Variants in COL4A4 observed in about 807,000 individuals in gnomAD.
The protein encoded by COL4A4 is collagen type IV alpha 4 chain.
In COL4A4, 105 loss-of-function variants were observed where a neutral mutation model predicts 192.9. That is an observed-to-expected ratio of 0.54 (90% confidence interval 0.46 to 0.64). COL4A4 has a LOEUF of 0.64. Ranked by LOEUF, COL4A4 falls within the 30% of genes least tolerant of loss-of-function variation. The probability of loss-of-function intolerance (pLI) is 0.00; values close to 1 mark genes in which losing one functional copy is unlikely to be tolerated. For synonymous variants in COL4A4, 762 were observed against 769.9 expected (o/e 0.99, Z 0.17); for missense variants, 1,967 against 2,169.3 (o/e 0.91, Z 1.85).
chr2:227,107,984 TTGACCTCA>T (rs2060959313), intron 12 of COL4A4, among the ~76,000 whole-genome samples: 1 of 151,964 alleles, frequency 6.6e-6, no homozygotes, highest in Admixed American at 6.6e-5. Context: ...TCTCAGTCTC[TTGACCTCA>T]TGATCCACCC....
chr2:227,158,537 A>G (rs918875620), intron 1 of COL4A4, among the ~76,000 whole-genome samples: 7 of 152,124 alleles, frequency 4.6e-5, no homozygotes, highest in African/African-American at 1.7e-4. Context: ...TGAAAAGACA[A>G]TTCTCAGAAT....
chr2:227,041,684 AAGACAG>A lies in COL4A4; in HGVS notation c.3505+458_3505+463del, dbSNP rs1325949591. Among the ~76,000 whole-genome samples the A allele has an allele frequency of 3.0e-3, 420 of 141,884 alleles. 11 individuals carry two copies. The highest frequency in any genetic ancestry group is 0.011 in the African/African-American group (394 of 35,910). The allele number at this position is 141,884 out of a possible 152,430, so 93.1% of individuals were successfully genotyped here. On this transcript the variant is annotated intron_variant, in intron 37 of 47. Transcript: ENST00000396625. ...AGGAAAGAAAAGGAAAAAAGAAAGA[AAGACAG>A]AGAGAGAGAGAGAGAAGGAAGGAAG...
At chr2:227,132,109 C>T (rs1386341069) in intron 4 of COL4A4, among the ~76,000 whole-genome samples, 1 of 152,206 alleles carries the variant, frequency 6.6e-6, no homozygotes. Flanking sequence ...TAATTCCACC[C>T]GGTTCAAGCT....
the COL4A4 span, among the ~76,000 whole-genome samples, chr2:226,980,119 T>G: frequency 6.6e-6 from 1 of 152,146 alleles, no homozygotes; most frequent in Non-Finnish European, 1.5e-5. Context: ...CCACTTACCT[T>G]TCATTGCTTT....
rs774471372 is a variant in COL4A4 at position 227,003,321 on chromosome 2, TA to T, written c.*4003del. The T allele has an allele frequency of 7.9e-5, 12 of 151,742 alleles. No homozygotes were observed. The highest frequency in any genetic ancestry group is 2.7e-4 in the African/African-American group (11 of 41,442). 9.4% of individuals were successfully genotyped at this position (151,742 alleles called of 1,614,324 possible). On this transcript the variant is annotated 3_prime_UTR_variant, in exon 48 of 48. Coordinates refer to ENST00000396625, the MANE Select transcript of COL4A4 (RefSeq NM_000092.5). ...GGTATGCTAGACAGGTAATCTAACT[TA>T]ATTTTCAATGCAAGAGTAGCTGTTA...
In COL4A4 at chr2:227,008,008, C is replaced by A. The variant is rs761121901; in HGVS notation, c.4809+10G>T. The A allele has an allele frequency of 6.2e-7, 1 of 1,607,722 alleles. No individual in the cohort carries two copies. Among genetic ancestry groups the A allele is most frequent in the East Asian group, 2.2e-5 (1 of 44,870 alleles). Reference sequence around the variant, plus strand: ...GAATGAGCCAGGGTTTTCAAGGGCACGGGACTCACCATCAGGAATGAATAC... The same window carrying A: ...GAATGAGCCAGGGTTTTCAAGGGCAAGGGACTCACCATCAGGAATGAATAC... On this transcript the variant is annotated intron_variant, in intron 47 of 47. Coordinates refer to ENST00000396625, the MANE Select transcript of COL4A4 (RefSeq NM_000092.5).
At chr2:227,021,865 G>A (rs938561973) in intron 44 of COL4A4, among the ~76,000 whole-genome samples, 183 bp downstream of exon 44, 8 of 152,104 alleles carry the variant, frequency 5.3e-5, no homozygotes, top group African/African-American at 1.7e-4. Flanking sequence ...GAAGGGATGT[G>A]TGGATCCAGT....
chr2:227,148,265 T>C (rs749929177), intron 1 of COL4A4, among the ~76,000 whole-genome samples: 3 of 152,188 alleles, frequency 2.0e-5, no homozygotes, highest in Non-Finnish European at 4.4e-5. Flanking sequence ...TGTCCATCAG[T>C]GGGTGAATGA....
At chr2:227,034,552 TTAA>T (rs1018076095) in intron 37 of COL4A4, among the ~76,000 whole-genome samples, 2 of 148,190 alleles carry the variant, frequency 1.3e-5, no homozygotes, top group African/African-American at 5.1e-5. Context: ...TTTTTTTTTT[TTAA>T]TTAATTAATT....
Position 227,047,456 on chromosome 2 carries a change from GA to G in COL4A4, c.3289+18del. 1 of 1,600,408 alleles carries G rather than the reference GA, an allele frequency of 6.2e-7. No individual in the cohort carries two copies. The highest frequency in any genetic ancestry group is 8.6e-7 in the Non-Finnish European group (1 of 1,167,888). ...TAAACTACTTTTTTTGTTTTAGTAAGAAAAATATGCAGCTATACCTGGACAT... is the reference window on the plus strand; with the variant it reads ...TAAACTACTTTTTTTGTTTTAGTAAGAAAATATGCAGCTATACCTGGACAT... On this transcript the variant is annotated intron_variant, in intron 35 of 47. Coordinates refer to ENST00000396625, the MANE Select transcript of COL4A4 (RefSeq NM_000092.5).
chr2:227,016,245 G>A (rs1002477583), intron 44 of COL4A4, among the ~76,000 whole-genome samples: 3 of 152,128 alleles, frequency 2.0e-5, no homozygotes, highest in African/African-American at 7.2e-5. Flanking sequence ...CCAAATGTCA[G>A]CAGCACTGAG....
chr2:227,141,486 A>T (rs1464709711), intron 3 of COL4A4, among the ~76,000 whole-genome samples: 2 of 152,220 alleles, frequency 1.3e-5, no homozygotes, highest in Admixed American at 1.3e-4. Flanking sequence ...GTATATGTGT[A>T]TGGGAGGGAA....
chr2:227,081,215 A>G (rs2059306882), intron 23 of COL4A4, among the ~76,000 whole-genome samples: 1 of 152,310 alleles, frequency 6.6e-6, no homozygotes, highest in Non-Finnish European at 1.5e-5. Context: ...GGAGATTAAC[A>G]TTTGAGTCAG....
rs184761652 is a variant in COL4A4, at chr2:227,073,233, G to A, written c.1987+4661C>T. On this transcript the variant is annotated intron_variant, in intron 25 of 47. Transcript: ENST00000396625. ...CAAAATCATTGTACATAAATCAGTA[G>A]CATTGCTATACACCAACAACAATCA... Among the ~76,000 whole-genome samples, 654 of 152,086 alleles carry A rather than the reference G, an allele frequency of 4.3e-3. 6 individuals carry two copies. Among genetic ancestry groups the A allele is most frequent in the Non-Finnish European group, 4.1e-3 (280 of 67,952 alleles).
rs760182467 is a variant in COL4A4 at position 227,030,577 on chromosome 2, A to T, written c.3839T>A (p.Leu1280His). The change falls in exon 41 of 48, where the codon CTC (leucine) becomes CAC (histidine). Residue 1280 changes from leucine (L) to histidine (H), a missense_variant. Coordinates refer to ENST00000396625, the MANE Select transcript of COL4A4 (RefSeq NM_000092.5). ...GPRGAPGPPG[L>H]PGSVDLLRGE... ...TCTCAGAAGGTCAACACTCCCAGGG[A>T]GGCCTGGAGGCCCAGGTGCTCCTGA... 2 of 1,608,236 alleles carry T rather than the reference A, an allele frequency of 1.2e-6. No individual in the cohort carries two copies. The highest frequency in any genetic ancestry group is 3.4e-5 in the Admixed American group (2 of 58,500).
At chr2:226,998,750 G>GCATCT (rs1960162412), downstream of COL4A4, 1 of 152,114 alleles carries the variant, frequency 6.6e-6, no homozygotes, top group South Asian at 2.1e-4. Flanking sequence ...ATGCCACTCA[G>GCATCT]CATCTCAAAT....
chr2:227,095,444 T>G (rs1559609691), intron 19 of COL4A4, among the ~76,000 whole-genome samples: 2 of 152,188 alleles, frequency 1.3e-5, no homozygotes, highest in Admixed American at 6.5e-5. Flanking sequence ...TTAAATAAAA[T>G]AATCCATGTA....
At position 227,088,770 on chromosome 2, in the gene COL4A4, A is replaced by AG; in HGVS notation, c.1505dup (p.Gly503TrpfsTer12). 1 of 1,614,092 alleles carries AG rather than the reference A, an allele frequency of 6.2e-7. No individual in the cohort carries two copies. The highest frequency in any genetic ancestry group is 8.5e-7 in the Non-Finnish European group (1 of 1,179,990). On this transcript the variant is annotated frameshift_variant, in exon 22 of 48. Coordinates refer to ENST00000396625, the MANE Select transcript of COL4A4 (RefSeq NM_000092.5). LOFTEE classifies it high-confidence loss of function. ...GCCTCCCAGGAAGTCCTGGAGGGCC[A>AG]GGGGGGCCCATGGGTCCAGGCTCAC... is the stretch of plus-strand genomic sequence containing the variant.
intron 7 of COL4A4, 145 bp from the exon 8 acceptor site, chr2:227,114,841 T>G: frequency 1.4e-6 from 1 of 707,106 alleles, no homozygotes; most frequent in South Asian, 1.7e-5. Context: ...TCCTCTTCCA[T>G]ATTATTATCA....
Sources: gnomAD v4.1 joint callset for allele counts (sites outside exome capture counted in the v4.1 genomes callset) on GRCh38, gnomAD v4.1.1 for gene constraint, MANE v1.5 for transcripts, NCBI Gene and HGNC (gene_info 2026-07-23, HGNC 2026-07-21) for gene names.